The following C14orf39 variants were observed in gnomAD, a reference collection of about 807,000 sequenced individuals.
C14orf39 encodes chromosome 14 open reading frame 39.
C14orf39 carries 66 observed loss-of-function variants against 85.6 expected under a neutral mutation model. The ratio of observed to expected loss-of-function variants is 0.77; its 90% CI spans 0.63 to 0.95. The LOEUF (loss-of-function observed/expected upper bound fraction) is 0.95, where lower values mean the gene tolerates loss of function less well. Ranked by LOEUF, C14orf39 falls within the 40% of genes least tolerant of loss-of-function variation. C14orf39 has a pLI of 0.00. For missense variants in C14orf39, 735 were observed against 663.9 expected (o/e 1.11, Z -1.18); for synonymous variants, 242 against 214.0 (o/e 1.13, Z -1.14).
intron 14 of C14orf39, among the ~76,000 whole-genome samples, chr14:60,458,092 T>A (rs1891358505): frequency 6.6e-6 from 1 of 152,034 alleles, no homozygotes; most frequent in Non-Finnish European, 1.5e-5. Flanking sequence ...GGGATATCCA[T>A]CACCTTAAAT....
At chr14:60,442,029 A>G (rs1318527409) in intron 17 of C14orf39, 45 bp downstream of exon 17, 2 of 1,345,182 alleles carry the variant, frequency 1.5e-6, no homozygotes, top group African/African-American at 2.9e-5. Flanking sequence ...TACTGTACTA[A>G]TGAGTTAACA....
intron 16 of C14orf39, among the ~76,000 whole-genome samples, chr14:60,447,712 C>G (rs1194792796): frequency 6.6e-6 from 1 of 152,072 alleles, no homozygotes. Context: ...TCATATGGAA[C>G]CCAAAAAAAG....
At chr14:60,499,800 T>A (rs1331984620) in intron 1 of C14orf39, among the ~76,000 whole-genome samples, 2 of 152,344 alleles carry the variant, frequency 1.3e-5, no homozygotes, top group Admixed American at 1.3e-4. Context: ...ATATCCTTAA[T>A]ATTTGAAGTG....
chr14:60,461,669 G>T, intron 11 of C14orf39, 76 bp from the exon 12 acceptor site: 1 of 739,822 alleles, frequency 1.4e-6, no homozygotes, highest in Non-Finnish European at 2.2e-6. Context: ...TAGCAACTCA[G>T]AACTCTCATT....
At chr14:60,439,350 GA>G (rs1259324130) in intron 17 of C14orf39, among the ~76,000 whole-genome samples, 2 of 152,188 alleles carry the variant, frequency 1.3e-5, no homozygotes, top group African/African-American at 4.8e-5. Flanking sequence ...TAGGTAAGCT[GA>G]AAAATGGAAA....
At chr14:60,447,527 C>T (rs968126467) in intron 16 of C14orf39, among the ~76,000 whole-genome samples, 1 of 152,118 alleles carries the variant, frequency 6.6e-6, no homozygotes, top group African/African-American at 2.4e-5. Flanking sequence ...CAAACCACTG[C>T]TCAATGAAAT....
At chr14:60,469,470 A>G (rs1891961205) in intron 8 of C14orf39, 63 bp downstream of exon 8, 1 of 663,758 alleles carries the variant, frequency 1.5e-6, no homozygotes, top group East Asian at 3.6e-5. Context: ...AAAACTGTCA[A>G]CTAACATACC....
At chr14:60,493,101 G>A (rs1893015679) in intron 2 of C14orf39, among the ~76,000 whole-genome samples, 1 of 152,176 alleles carries the variant, frequency 6.6e-6, no homozygotes, top group South Asian at 2.1e-4. Context: ...GAAGGCAACT[G>A]GGAAGTGTGG....
At chr14:60,482,317 G>A (rs1283905862) in intron 4 of C14orf39, among the ~76,000 whole-genome samples, 1 of 152,076 alleles carries the variant, frequency 6.6e-6, no homozygotes, top group Non-Finnish European at 1.5e-5. Flanking sequence ...AAAGAAAATG[G>A]TCAACAACAT....
chr14:60,442,326 T>A (rs1890558798), intron 16 of C14orf39, among the ~76,000 whole-genome samples, 195 bp from the exon 17 acceptor site: 1 of 152,180 alleles, frequency 6.6e-6, no homozygotes, highest in Admixed American at 6.5e-5. Flanking sequence ...TAAAATAAGG[T>A]CTATTGATTT....
At chr14:60,501,239 G>A (rs1046912315) in intron 1 of C14orf39, among the ~76,000 whole-genome samples, 1 of 148,174 alleles carries the variant, frequency 6.7e-6, no homozygotes, top group Non-Finnish European at 1.5e-5. Flanking sequence ...CCAGGAGTTC[G>A]AGGTTGCAGT....
At position 60,471,542 on chromosome 14, in the gene C14orf39, A is replaced by T; in HGVS notation, c.511+10T>A. The T allele has an allele frequency of 6.3e-7, 1 of 1,587,240 alleles. No homozygotes were observed. Among genetic ancestry groups the T allele is most frequent in the East Asian group, 2.3e-5 (1 of 44,308 alleles). On this transcript the variant is annotated intron_variant, in intron 6 of 17. Transcript: ENST00000321731. ...TCATAATTAAAACAATATAACAAAA[A>T]TATTAATACCTCGAAATTTCATAAA...
intron 16 of C14orf39, among the ~76,000 whole-genome samples, chr14:60,443,907 G>C (rs1452245689): frequency 1.3e-5 from 2 of 152,232 alleles, no homozygotes; most frequent in African/African-American, 4.8e-5. Flanking sequence ...GGCAAACAGG[G>C]TCTGGAGTGG....
At chr14:60,502,475 C>A (rs568169683) in intron 1 of C14orf39, among the ~76,000 whole-genome samples, 95 of 152,026 alleles carry the variant, frequency 6.2e-4, no homozygotes, top group African/African-American at 2.2e-3. Context: ...TACTAAAATT[C>A]AAAAAAATCA....
rs113320349 is a variant in C14orf39 at position 60,467,954 on chromosome 14, C to T, written c.767+491G>A. On this transcript the variant is annotated intron_variant, in intron 9 of 17. Coordinates refer to ENST00000321731, the MANE Select transcript of C14orf39 (RefSeq NM_174978.3). ...AAGTCCATCTATTTTTTTTTTTGGC[C>T]TCTATCACTGATCTCTATTTTATCG... Among the ~76,000 whole-genome samples, 446 of 150,830 alleles carry T rather than the reference C, an allele frequency of 3.0e-3. 1 individual carries two copies. The highest frequency in any genetic ancestry group is 0.01 in the African/African-American group (429 of 41,282).
intron 5 of C14orf39, among the ~76,000 whole-genome samples, chr14:60,474,674 G>T (rs1325969801): frequency 6.6e-6 from 1 of 151,722 alleles, no homozygotes; most frequent in Non-Finnish European, 1.5e-5. Context: ...GGTTTTTGTT[G>T]TTGGTTCTGT....
At chr14:60,486,841 TTA>T (rs1215836104), upstream of C14orf39, among the ~76,000 whole-genome samples, 2 of 152,232 alleles carry the variant, frequency 1.3e-5, no homozygotes, top group African/African-American at 4.8e-5. Flanking sequence ...ACCAATTTTA[TTA>T]TAGTGTGCTG....
intron 16 of C14orf39, among the ~76,000 whole-genome samples, chr14:60,453,367 T>C (rs1468961326): frequency 2.1e-5 from 3 of 146,094 alleles, no homozygotes; most frequent in African/African-American, 8.2e-5. Flanking sequence ...ATATAGCTAC[T>C]GTGACCTTCT....
chr14:60,492,656 G>A (rs570033687), intron 2 of C14orf39, among the ~76,000 whole-genome samples: 2 of 152,014 alleles, frequency 1.3e-5, no homozygotes, highest in East Asian at 1.9e-4. Context: ...GCTGGTATGT[G>A]CCTGTAGTCC....
Sources: gnomAD v4.1 joint callset for allele counts (sites outside exome capture counted in the v4.1 genomes callset) on GRCh38, gnomAD v4.1.1 for gene constraint, MANE v1.5 for transcripts, NCBI Gene and HGNC (gene_info 2026-07-23, HGNC 2026-07-21) for gene names.